The following SLC2A13 variants were observed in gnomAD, a reference collection of about 807,000 sequenced individuals.
SLC2A13 encodes proton myo-inositol cotransporter.
SLC2A13 carries 32 observed loss-of-function variants against 64.4 expected under a neutral mutation model. That is an observed-to-expected ratio of 0.50 (90% CI 0.37 to 0.67). The LOEUF (loss-of-function observed/expected upper bound fraction) is 0.67, where lower values mean the gene tolerates loss of function less well. Ranked by LOEUF, SLC2A13 falls within the 30% of genes least tolerant of loss-of-function variation. SLC2A13 has a pLI of 0.00. For synonymous variants in SLC2A13, 338 were observed against 327.1 expected (o/e 1.03, Z -0.36); for missense variants, 743 against 829.2 (o/e 0.90, Z 1.28).
intron 7 of SLC2A13, among the ~76,000 whole-genome samples, chr12:39,771,182 G>C (rs938697980): frequency 6.6e-6 from 1 of 152,130 alleles, no homozygotes; most frequent in Non-Finnish European, 1.5e-5. Context: ...GCGGGAGAGA[G>C]ACTCTAGAGT....
intron 1 of SLC2A13, among the ~76,000 whole-genome samples, chr12:40,088,307 T>G (rs1016364288): frequency 6.6e-6 from 1 of 152,186 alleles, no homozygotes; most frequent in Non-Finnish European, 1.5e-5. Flanking sequence ...ACTGTCTAAT[T>G]AGACCACTTT....
Position 39,974,140 on chromosome 12 carries a change from T to C in SLC2A13, c.926-22775A>G, listed in dbSNP as rs961598458. Among the ~76,000 whole-genome samples the C allele has an allele frequency of 3.6e-4, 3 of 8,374 alleles. No individual in the cohort carries two copies. The Admixed American group carries it at 8.2e-3, about 23-fold the overall frequency. 5.5% of individuals were successfully genotyped at this position (8,374 alleles called of 152,430 possible). A position where few individuals can be genotyped will look rare whatever the true frequency, so the allele number is the denominator to read the frequency against. On this transcript the variant is annotated intron_variant, in intron 3 of 9. Coordinates refer to ENST00000280871, the MANE Select transcript of SLC2A13 (RefSeq NM_052885.4). ...CACAAACCATGTTAACTTCTTTATA[T>C]ACTTTAATTCTCACAACAAATATAT... is the stretch of plus-strand genomic sequence containing the variant.
intron 9 of SLC2A13, among the ~76,000 whole-genome samples, chr12:39,761,631 CA>C (rs5797632): frequency 0.97 from 146,524 of 150,414 alleles, 71,361 homozygotes; most frequent in East Asian, 1. Flanking sequence ...GGAATTTTGA[CA>C]AAAAAAAAAT....
At chr12:39,782,700 C>G (rs775091742) in intron 7 of SLC2A13, among the ~76,000 whole-genome samples, 14 of 151,990 alleles carry the variant, frequency 9.2e-5, no homozygotes, top group Middle Eastern at 3.4e-3. Flanking sequence ...TTGGAGGGAT[C>G]AAAAGAAGAC....
chr12:40,092,144 T>C (rs149533687), intron 1 of SLC2A13, among the ~76,000 whole-genome samples: 9 of 152,276 alleles, frequency 5.9e-5, no homozygotes, highest in African/African-American at 2.2e-4. Flanking sequence ...CAAGAATGGT[T>C]TCACAAGTAT....
intron 7 of SLC2A13, among the ~76,000 whole-genome samples, chr12:39,773,221 T>C (rs985233510): frequency 3.3e-5 from 5 of 152,188 alleles, no homozygotes; most frequent in Non-Finnish European, 4.4e-5. Flanking sequence ...ACTGCAATAA[T>C]GGGAAGCTGC....
At chr12:39,841,552 A>G (rs994332612) in intron 6 of SLC2A13, among the ~76,000 whole-genome samples, 1 of 152,108 alleles carries the variant, frequency 6.6e-6, no homozygotes, top group Admixed American at 6.6e-5. Context: ...ATATAAATGT[A>G]TATCTATATA....
rs1209032781 is a variant in SLC2A13, at chr12:39,756,871, T to C, written c.*3155A>G. ...CAGGTTCAGTGGTAAAATTAAATTA[T>C]GAAAAAATAGTCGGTATTCTCATAG... On this transcript the variant is annotated 3_prime_UTR_variant, in exon 10 of 10. Transcript: ENST00000280871. 1 of 151,626 alleles carries C rather than the reference T, an allele frequency of 6.6e-6. No individual in the cohort carries two copies. Among genetic ancestry groups the C allele is most frequent in the African/African-American group, 2.4e-5 (1 of 41,386 alleles). The allele number at this position is 151,626 out of a possible 1,614,324, so 9.4% of individuals were successfully genotyped here.
intron 3 of SLC2A13, among the ~76,000 whole-genome samples, chr12:40,000,601 T>C (rs553263052): frequency 1.3e-5 from 2 of 152,280 alleles, no homozygotes; most frequent in African/African-American, 2.4e-5. Flanking sequence ...ATCATGGCAT[T>C]GGCAGGTTTG....
intron 6 of SLC2A13, among the ~76,000 whole-genome samples, chr12:39,840,176 C>A (rs1309816495): frequency 6.6e-6 from 1 of 151,986 alleles, no homozygotes; most frequent in African/African-American, 2.4e-5. Flanking sequence ...GGATTACAGG[C>A]ACGTGCAACC....
chr12:40,078,983 G>A (rs1938289636), intron 1 of SLC2A13, among the ~76,000 whole-genome samples: 1 of 152,048 alleles, frequency 6.6e-6, no homozygotes, highest in Non-Finnish European at 1.5e-5. Flanking sequence ...TGGTGGTAAT[G>A]TCATCTTTGT....
chr12:39,830,731 A>C (rs1421239705), intron 6 of SLC2A13, among the ~76,000 whole-genome samples: 1 of 152,212 alleles, frequency 6.6e-6, no homozygotes, highest in African/African-American at 2.4e-5. Flanking sequence ...ATTATGTCTA[A>C]AGAAAACAGT....
At position 40,028,469 on chromosome 12, in the gene SLC2A13, A is replaced by T; in HGVS notation, c.757T>A (p.Phe253Ile). The T allele has an allele frequency of 1.2e-6, 2 of 1,614,020 alleles. No homozygotes were observed. Among genetic ancestry groups the T allele is most frequent in the Non-Finnish European group, 1.7e-6 (2 of 1,179,956 alleles). Residue 253 changes from phenylalanine to isoleucine, a missense_variant, in exon 3 of 10, where the codon TTT (phenylalanine) becomes ATT (isoleucine). This residue lies in a region of SLC2A13 where 448 missense variants were observed against 447.4 expected (regional missense o/e 1.00). Transcript: ENST00000280871. ...TCAGGCAAAAAGAGAAAGCCAAAAA[A>T]CTGTATAACCGCCGGAACTGCTGCA... ...GLAAVPAVIQ[F>I]FGFLFLPESP...
chr12:39,851,794 T>C (rs530433885), intron 6 of SLC2A13, among the ~76,000 whole-genome samples: 4 of 152,340 alleles, frequency 2.6e-5, no homozygotes, highest in East Asian at 3.9e-4. Flanking sequence ...TAAGTACTCC[T>C]ACATGGTTTA....
chr12:40,103,649 T>C (rs1211085720), intron 1 of SLC2A13, among the ~76,000 whole-genome samples: 5 of 152,164 alleles, frequency 3.3e-5, no homozygotes, highest in Admixed American at 6.5e-5. Context: ...TGATTCAATT[T>C]CAAAATTACA....
At chr12:39,829,389 A>ATTATTTTTTTT (rs1452679878) in intron 7 of SLC2A13, 1 of 65,778 alleles carries the variant, frequency 1.5e-5, no homozygotes, top group African/African-American at 6.7e-5. Flanking sequence ...TGTGATAGTA[A>ATTATTTTTTTT]TTCTTTTTTT....
rs184542013 is a variant in SLC2A13 at position 40,076,520 on chromosome 12, G to T, written c.557-28310C>A. Among the ~76,000 whole-genome samples, 5 of 152,250 alleles carry T rather than the reference G, an allele frequency of 3.3e-5. No homozygotes were observed. In the East Asian group the frequency reaches 9.6e-4, roughly 29 times the overall value. ...TTTTTATAGTGTGTAGTATTCCATG[G>T]TGTATATGTACATTTTCTTTATCCA... On this transcript the variant is annotated intron_variant, in intron 1 of 9. Coordinates refer to ENST00000280871, the MANE Select transcript of SLC2A13 (RefSeq NM_052885.4).
intron 1 of SLC2A13, among the ~76,000 whole-genome samples, chr12:40,086,819 G>A (rs1391188283): frequency 1.3e-5 from 2 of 152,218 alleles, no homozygotes; most frequent in Non-Finnish European, 2.9e-5. Flanking sequence ...TAATACTGCA[G>A]TATGTTTCTG....
At chr12:39,957,850 T>G (rs1036567571) in intron 3 of SLC2A13, among the ~76,000 whole-genome samples, 4 of 152,142 alleles carry the variant, frequency 2.6e-5, no homozygotes, top group African/African-American at 9.7e-5. Flanking sequence ...TACTCCATGC[T>G]AGGGACAGAA....
Sources: gnomAD v4.1 joint callset for allele counts (sites outside exome capture counted in the v4.1 genomes callset) on GRCh38, gnomAD v4.1.1 for gene constraint, gnomAD v4.1.1 regional missense constraint, MANE v1.5 for transcripts, NCBI Gene and HGNC (gene_info 2026-07-23, HGNC 2026-07-21) for gene names.